Variants in RGS12 observed in about 807,000 individuals in gnomAD.
RGS12 encodes the protein regulator of G-protein signaling 12.
RGS12 carries 66 observed loss-of-function variants against 120.1 expected under a neutral mutation model. The observed-to-expected ratio is 0.55, with a 90% CI of 0.45 to 0.67. The LOEUF (loss-of-function observed/expected upper bound fraction) is 0.67. Ranked by LOEUF, RGS12 falls within the 30% of genes least tolerant of loss-of-function variation. The probability of loss-of-function intolerance (pLI) is 0.00; values close to 1 mark genes in which losing one functional copy is unlikely to be tolerated. For missense variants in RGS12, 1,859 were observed against 1,957.7 expected (o/e 0.95, Z 0.95); for synonymous variants, 827 against 804.7 (o/e 1.03, Z -0.47).
chr4:3,352,877 C>T (rs1241296586), intron 3 of RGS12, among the ~76,000 whole-genome samples: 1 of 152,192 alleles, frequency 6.6e-6, no homozygotes, highest in African/African-American at 2.4e-5. Flanking sequence ...CGTTTTGAAC[C>T]TGACAACTTT....
At chr4:3,436,980 CACCAGGAGTGAG>C (rs1724868912) in intron 17 of RGS12, among the ~76,000 whole-genome samples, 1 of 152,206 alleles carries the variant, frequency 6.6e-6, no homozygotes. Flanking sequence ...GGAGATGTGG[CACCAGGAGTGAG>C]ACCAGGAGGC....
At chr4:3,290,683 C>T (rs541238571), upstream of RGS12, among the ~76,000 whole-genome samples, 13 of 152,314 alleles carry the variant, frequency 8.5e-5, no homozygotes, top group African/African-American at 2.6e-4. Context: ...CTGGCAGGCA[C>T]GGAAGAGCAG....
At chr4:3,380,226 C>G (rs1718119849) in intron 3 of RGS12, among the ~76,000 whole-genome samples, 1 of 152,280 alleles carries the variant, frequency 6.6e-6, no homozygotes, top group Non-Finnish European at 1.5e-5. Flanking sequence ...CCATGTCCCA[C>G]ATCCAGGGCA....
chr4:3,432,501 C>T (rs1363163166), intron 17 of RGS12, among the ~76,000 whole-genome samples: 2 of 152,222 alleles, frequency 1.3e-5, no homozygotes, highest in Non-Finnish European at 2.9e-5. Flanking sequence ...GCTGGCTCTG[C>T]GCACAGGTGT....
intron 2 of RGS12, among the ~76,000 whole-genome samples, chr4:3,340,543 A>G (rs1712957247): frequency 6.6e-6 from 1 of 152,180 alleles, no homozygotes; most frequent in Non-Finnish European, 1.5e-5. Context: ...CCTAAGCAGG[A>G]GGGAGCGGGG....
At chr4:3,293,204 C>G (rs1723141956) in intron 1 of RGS12, 105 bp downstream of exon 1, 3 of 146,438 alleles carry the variant, frequency 2.0e-5, no homozygotes, top group Admixed American at 2.0e-4. Flanking sequence ...CCGGCCGATC[C>G]CGGCCAGCCC....
At chr4:3,294,160 G>C (rs1008664320) in intron 1 of RGS12, among the ~76,000 whole-genome samples, 4 of 152,268 alleles carry the variant, frequency 2.6e-5, no homozygotes, top group Non-Finnish European at 1.5e-5. Flanking sequence ...GAGTGTCTTT[G>C]TCTGAAGTCC....
At chr4:3,326,297 A>G (rs1259143179) in intron 2 of RGS12, among the ~76,000 whole-genome samples, 1 of 152,220 alleles carries the variant, frequency 6.6e-6, no homozygotes, top group Non-Finnish European at 1.5e-5. Context: ...CCCAGGCTGG[A>G]GCACAGTGCT....
chr4:3,364,004 T>A (rs909673764), intron 3 of RGS12, among the ~76,000 whole-genome samples: 7 of 152,180 alleles, frequency 4.6e-5, no homozygotes, highest in African/African-American at 1.7e-4. Context: ...CTCTGCTCAG[T>A]CACATGGTCT....
intron 3 of RGS12, among the ~76,000 whole-genome samples, chr4:3,368,422 CTGTG>C (rs969003925): frequency 2.0e-5 from 2 of 97,852 alleles, no homozygotes; most frequent in Admixed American, 1.1e-4. Flanking sequence ...GTGTGAGTGC[CTGTG>C]TGTGTGTGGG....
At chr4:3,295,353 C>T (rs1723319560) in intron 1 of RGS12, among the ~76,000 whole-genome samples, 1 of 152,098 alleles carries the variant, frequency 6.6e-6, no homozygotes, top group South Asian at 2.1e-4. Context: ...TTGTCTGAGA[C>T]TGACCAAGCA....
At chr4:3,394,745 G>C (rs1312036569) in intron 4 of RGS12, among the ~76,000 whole-genome samples, 1 of 152,200 alleles carries the variant, frequency 6.6e-6, no homozygotes, top group Non-Finnish European at 1.5e-5. Flanking sequence ...ATGAACACAT[G>C]TGTGTTATCA....
At chr4:3,353,540 A>C (rs769128603) in intron 3 of RGS12, among the ~76,000 whole-genome samples, 1 of 152,160 alleles carries the variant, frequency 6.6e-6, no homozygotes, top group Non-Finnish European at 1.5e-5. Flanking sequence ...CGAGGATGGT[A>C]CCAGTCTGGG....
intron 3 of RGS12, among the ~76,000 whole-genome samples, chr4:3,355,245 T>G (rs1199782880): frequency 6.6e-6 from 1 of 152,192 alleles, no homozygotes; most frequent in Non-Finnish European, 1.5e-5. Context: ...CCATTTATGG[T>G]AAAACAAAGT....
rs1719337378 is a variant in RGS12, at chr4:3,390,197, TC to T, written c.2020+3763del. Among the ~76,000 whole-genome samples the T allele has an allele frequency of 6.6e-6, 1 of 152,108 alleles. No homozygotes were observed. Among genetic ancestry groups the T allele is most frequent in the Non-Finnish European group, 1.5e-5 (1 of 68,008 alleles). On this transcript the variant is annotated intron_variant, in intron 4 of 17. Coordinates refer to ENST00000336727, the MANE Select transcript of RGS12 (RefSeq NM_001394154.1). The surrounding 1 kb of genome is among the most constrained non-coding windows in gnomAD (Gnocchi z 4.6). ...CCTCAGGCACATGCGGTTTCCCTCT[TC>T]CCTTCCTGACCACCTGCCCCCATCC... is the stretch of plus-strand genomic sequence containing the variant.
intron 3 of RGS12, among the ~76,000 whole-genome samples, chr4:3,382,485 G>C (rs542474792): frequency 1.3e-4 from 20 of 152,314 alleles, no homozygotes; most frequent in African/African-American, 4.8e-4. Context: ...TGATTCCTGT[G>C]ACCACCTTGG....
chr4:3,362,550 GGT>G (rs772834235), intron 3 of RGS12, among the ~76,000 whole-genome samples: 11 of 144,584 alleles, frequency 7.6e-5, no homozygotes, highest in African/African-American at 1.3e-4. Flanking sequence ...TTTGTGTGAG[GGT>G]GTGTGTGATG....
chr4:3,429,189 A>AG (rs149187923), intron 16 of RGS12, among the ~76,000 whole-genome samples: 2,819 of 152,340 alleles, frequency 0.019, 95 homozygotes, highest in African/African-American at 0.064. Context: ...TCAGTGAGGA[A>AG]GGTCAGCCTG....
Position 3,316,070 on chromosome 4 carries a change from G to A in RGS12, c.-101G>A. 1 of 1,219,396 alleles carries A rather than the reference G, an allele frequency of 8.2e-7. No individual in the cohort carries two copies. The highest frequency in any genetic ancestry group is 1.1e-6 in the Non-Finnish European group (1 of 878,362). 75.5% of individuals were successfully genotyped at this position (1,219,396 alleles called of 1,614,324 possible). A position where few individuals can be genotyped will look rare whatever the true frequency, so the allele number is the denominator to read the frequency against. On this transcript the variant is annotated splice_region_variant and 5_prime_UTR_variant, in exon 2 of 18. Transcript: ENST00000336727. Reference sequence around the variant, plus strand: ...TGAGCTGTTCGTTTTTCTTTCTTAGGGCACTGTTTGAAGAAGCAAACATGG... The same window carrying A: ...TGAGCTGTTCGTTTTTCTTTCTTAGAGCACTGTTTGAAGAAGCAAACATGG...
Sources: gnomAD v4.1 joint callset for allele counts (sites outside exome capture counted in the v4.1 genomes callset) on GRCh38, gnomAD v4.1.1 for gene constraint, Gnocchi (gnomAD v3.1) non-coding constraint, MANE v1.5 for transcripts, NCBI Gene and HGNC (gene_info 2026-07-23, HGNC 2026-07-21) for gene names.